Variants in TAB2 observed in about 807,000 individuals in gnomAD.
The protein encoded by TAB2 is TGF-beta-activated kinase 1 and MAP3K7-binding protein 2.
In TAB2, 3 loss-of-function variants were observed where a neutral mutation model predicts 65.0. The observed-to-expected ratio is 0.05, with a 90% CI of 0.02 to 0.12. The LOEUF (loss-of-function observed/expected upper bound fraction) is 0.12, where lower values mean the gene tolerates loss of function less well. Among genes scored for constraint, TAB2 ranks in the 10% least tolerant of loss-of-function variants. The pLI is 1.00. For synonymous variants in TAB2, 298 were observed against 285.1 expected (o/e 1.05, Z -0.46); for missense variants, 623 against 840.3 (o/e 0.74, Z 3.20).
intron 1 of TAB2, among the ~76,000 whole-genome samples, chr6:149,249,529 CCT>C (rs1174644165): frequency 1.3e-5 from 2 of 149,814 alleles, no homozygotes; most frequent in Non-Finnish European, 3.0e-5. Context: ...TCTCTGTCTC[CCT>C]CTCTCTTTCT....
intron 1 of TAB2, among the ~76,000 whole-genome samples, chr6:149,309,613 G>A (rs112689113): frequency 6.6e-5 from 10 of 152,010 alleles, no homozygotes; most frequent in African/African-American, 2.2e-4. Context: ...TAGCCAGGAT[G>A]GTCTGGATCT....
At chr6:149,388,607 TTA>T (rs1364984147) in intron 3 of TAB2, among the ~76,000 whole-genome samples, 2 of 152,228 alleles carry the variant, frequency 1.3e-5, no homozygotes, top group Admixed American at 6.5e-5. Flanking sequence ...TCTAGTCAGT[TTA>T]ATAGGTAAAA....
chr6:149,339,626 G>A (rs1268987591), intron 1 of TAB2, among the ~76,000 whole-genome samples: 54 of 138,992 alleles, frequency 3.9e-4, no homozygotes, highest in South Asian at 2.0e-3. Context: ...TTTTTGAGAC[G>A]GAGTCTCTGT....
intron 1 of TAB2, among the ~76,000 whole-genome samples, chr6:149,348,444 AAAAC>A (rs922745677): frequency 3.9e-5 from 6 of 152,010 alleles, no homozygotes; most frequent in African/African-American, 1.4e-4. Flanking sequence ...AAGAAAAAAA[AAAAC>A]TGTTAGCATC....
intron 1 of TAB2, among the ~76,000 whole-genome samples, chr6:149,297,400 C>T (rs1419957778): frequency 6.6e-6 from 1 of 152,210 alleles, no homozygotes; most frequent in Admixed American, 6.5e-5. Flanking sequence ...AAGATACATA[C>T]ACACAAATAA....
intron 1 of TAB2, among the ~76,000 whole-genome samples, chr6:149,249,007 G>C (rs1297735253): frequency 6.6e-6 from 1 of 151,932 alleles, no homozygotes; most frequent in African/African-American, 2.4e-5. Context: ...AGTGATGGTG[G>C]ACACAGCCAT....
chr6:149,260,711 A>G (rs979008579), intron 1 of TAB2, among the ~76,000 whole-genome samples: 3 of 152,184 alleles, frequency 2.0e-5, no homozygotes, highest in African/African-American at 7.2e-5. Flanking sequence ...GTATTCACTG[A>G]GAAGCGCTGA....
exon 1 of TAB2, chr6:149,218,696 C>G: frequency 2.2e-6 from 1 of 453,794 alleles, no homozygotes; most frequent in East Asian, 6.9e-5. Context: ...ACCATCTGAT[C>G]CAGTTTCAAT....
chr6:149,409,773 T>C lies in TAB2; in HGVS notation c.*54T>C. The C allele has an allele frequency of 1.9e-6, 3 of 1,606,440 alleles. No individual in the cohort carries two copies. Among genetic ancestry groups the C allele is most frequent in the Non-Finnish European group, 2.6e-6 (3 of 1,173,562 alleles). The stretch of plus-strand genomic sequence containing the variant: ...CCACATCTAAAGTTCAAGAAACTAG[T>C]CTGTCATCGGGAAAAAGTTTCACTG... On this transcript the variant is annotated 3_prime_UTR_variant, in exon 7 of 7. Transcript: ENST00000637181.
In TAB2 at chr6:149,237,774, G is replaced by A. The variant is rs568532342; in HGVS notation, c.-121+18998G>A. On this transcript the variant is annotated intron_variant, in intron 1 of 1. Transcript: ENST00000606202. ...CCACTGTGGGTGCTGGCCATCTGCCGAGCATAGTGGGCTCAGGGATGAGCA... is the reference window on the plus strand; with the variant it reads ...CCACTGTGGGTGCTGGCCATCTGCCAAGCATAGTGGGCTCAGGGATGAGCA... Among the ~76,000 whole-genome samples the A allele has an allele frequency of 3.9e-5, 6 of 152,260 alleles. 1 individual carries two copies. In the South Asian group the frequency reaches 1.0e-3, roughly 26 times the overall value.
intron 1 of TAB2, among the ~76,000 whole-genome samples, chr6:149,272,114 G>GA (rs1190026967): frequency 6.6e-6 from 1 of 151,970 alleles, no homozygotes; most frequent in Middle Eastern, 3.4e-3. Context: ...AGGAGAAAGG[G>GA]AAAAAAACAG....
intron 1 of TAB2, among the ~76,000 whole-genome samples, chr6:149,230,861 T>C (rs552604191): frequency 9.2e-5 from 14 of 152,354 alleles, no homozygotes; most frequent in Non-Finnish European, 1.9e-4. Context: ...GTAAGTATTT[T>C]TCTATGGTCA....
chr6:149,400,406 G>A (rs1449695838), intron 6 of TAB2: 2 of 1,614,144 alleles, frequency 1.2e-6, no homozygotes, highest in Non-Finnish European at 8.5e-7. Context: ...CCAACGAAAA[G>A]CCCACAGAAG....
At chr6:149,399,211 CTGTTACTTTTGAAAAGCAAAATT>C in intron 6 of TAB2, 27 bp downstream of exon 6, 1 of 1,603,414 alleles carries the variant, frequency 6.2e-7, no homozygotes, top group Non-Finnish European at 8.5e-7. Context: ...AATGTGAAAA[CTGTTACTTTTGAAAAGCAAAATT>C]TTAGAAAATT....
chr6:149,224,320 G>T (rs1176640427), intron 1 of TAB2, among the ~76,000 whole-genome samples: 1 of 152,182 alleles, frequency 6.6e-6, no homozygotes, highest in Admixed American at 6.5e-5. Context: ...GATAGCCAAA[G>T]CCTCCCTTTT....
At chr6:149,225,821 GA>G (rs1777261057) in intron 1 of TAB2, among the ~76,000 whole-genome samples, 1 of 151,968 alleles carries the variant, frequency 6.6e-6, no homozygotes, top group Non-Finnish European at 1.5e-5. Context: ...TAAAAATTGG[GA>G]AATAACAGAC....
intron 1 of TAB2, among the ~76,000 whole-genome samples, chr6:149,351,125 C>T (rs554478509): frequency 2.8e-4 from 41 of 147,916 alleles, no homozygotes; most frequent in Non-Finnish European, 5.1e-4. Context: ...CCCACTTCCT[C>T]CTCAGCCCAG....
chr6:149,267,893 G>C (rs772270029), intron 1 of TAB2, among the ~76,000 whole-genome samples: 1 of 152,036 alleles, frequency 6.6e-6, no homozygotes, highest in Non-Finnish European at 1.5e-5. Flanking sequence ...ATAACCTTAC[G>C]GGACCACTGT....
rs370116039 is a variant in TAB2, at chr6:149,358,640, CTG to C, written c.-89-11237_-89-11236del. On this transcript the variant is annotated intron_variant, in intron 1 of 6. Transcript: ENST00000637181. ...TCTTTTTATTTTTCTCTTCAGAACTCTGTGTGTGTGTGTGTGTGTGTGTGTGT... is the reference window on the plus strand; with the variant it reads ...TCTTTTTATTTTTCTCTTCAGAACTCTGTGTGTGTGTGTGTGTGTGTGTGT... 3.3e-3 allele frequency among the ~76,000 whole-genome samples: 407 copies of C among 121,724 alleles called. 4 individuals are homozygous for C. Among genetic ancestry groups the C allele is most frequent in the East Asian group, 0.023 (85 of 3,768 alleles). 79.9% of individuals were successfully genotyped at this position (121,724 alleles called of 152,430 possible).
Sources: gnomAD v4.1 joint callset for allele counts (sites outside exome capture counted in the v4.1 genomes callset) on GRCh38, gnomAD v4.1.1 for gene constraint, MANE v1.5 for transcripts, NCBI Gene and HGNC (gene_info 2026-07-23, HGNC 2026-07-21) for gene names.